The following DISC1 variants were observed in gnomAD, a reference collection of about 807,000 sequenced individuals.
DISC1 encodes the protein DISC1 scaffold protein, also known as disrupted in schizophrenia 1 protein.
DISC1 carries 57 observed loss-of-function variants against 84.5 expected under a neutral mutation model. The ratio of observed to expected loss-of-function variants is 0.67; its 90% CI spans 0.55 to 0.84. The LOEUF (loss-of-function observed/expected upper bound fraction) is 0.84. Ranked by LOEUF, DISC1 falls within the 40% of genes least tolerant of loss-of-function variation. The pLI, the probability that DISC1 is intolerant of heterozygous loss-of-function variation, is 0.00. For synonymous variants in DISC1, 411 were observed against 415.2 expected, an observed-to-expected ratio of 0.99 and a Z score of 0.12; for missense variants, 1,000 against 1,057.8, an observed-to-expected ratio of 0.95 and a Z score of 0.76.
chr1:231,896,054 G>C (rs1176150885), intron 9 of DISC1, among the ~76,000 whole-genome samples: 1 of 152,132 alleles, frequency 6.6e-6, no homozygotes, highest in African/African-American at 2.4e-5. Context: ...AGGCCAAAAG[G>C]CTGGTGTGGA....
chr1:231,779,565 T>TG lies in DISC1; in HGVS notation c.1634+8495_1634+8496insG, dbSNP rs1296987107. Among the ~76,000 whole-genome samples, 809 of 139,792 alleles carry TG rather than the reference T, an allele frequency of 5.8e-3. 5 individuals carry two copies. Among genetic ancestry groups the TG allele is most frequent in the African/African-American group, 0.021 (749 of 36,520 alleles). 91.7% of individuals were successfully genotyped at this position (139,792 alleles called of 152,430 possible). A position where few individuals can be genotyped will look rare whatever the true frequency, so the allele number is the denominator to read the frequency against. Reference sequence around the variant, plus strand: ...CCTATTCTTGTTTTTTTTTTTTTTTTTTTTTTTTTTTTTAAGATGGAGTCT... The same window carrying TG: ...CCTATTCTTGTTTTTTTTTTTTTTTTGTTTTTTTTTTTTTAAGATGGAGTCT... On this transcript the variant is annotated intron_variant, in intron 6 of 12. Transcript: ENST00000439617.
intron 9 of DISC1, among the ~76,000 whole-genome samples, chr1:231,918,308 A>G (rs1007736627): frequency 6.6e-6 from 1 of 152,246 alleles, no homozygotes; most frequent in African/African-American, 2.4e-5. Flanking sequence ...GAGAGAACCA[A>G]GATGATTTGG....
intron 9 of DISC1, chr1:231,866,786 A>G (rs2085094007): frequency 1.5e-5 from 17 of 1,152,236 alleles, no homozygotes; most frequent in Non-Finnish European, 1.8e-5. Context: ...GGTATAATTA[A>G]TCTGTAATTA....
chr1:231,737,911 G>A (rs1444653443), intron 3 of DISC1, among the ~76,000 whole-genome samples: 2 of 152,176 alleles, frequency 1.3e-5, no homozygotes, highest in African/African-American at 4.8e-5. Flanking sequence ...CGGCTAGAGT[G>A]CAGTGGCATG....
intron 9 of DISC1, among the ~76,000 whole-genome samples, chr1:231,902,537 G>T (rs1395704200): frequency 6.6e-6 from 1 of 151,798 alleles, no homozygotes; most frequent in Non-Finnish European, 1.5e-5. Flanking sequence ...GCAGAATGAG[G>T]TTGCAGTGAG....
rs1350226699 is a variant in DISC1 at position 231,908,686 on chromosome 1, G to GT, written c.1982-50136dup. Among the ~76,000 whole-genome samples the GT allele has an allele frequency of 8.5e-5, 13 of 152,284 alleles. No homozygotes were observed. In the East Asian group the frequency reaches 2.5e-3, roughly 29 times the overall value. On this transcript the variant is annotated intron_variant, in intron 9 of 12. Transcript: ENST00000439617. ...TTGGTTCCATATGCACTTTAAAGTA[G>GT]TTTTTTCCAGTTCTGTGAAGAAAGT...
At chr1:231,972,697 C>T (rs931288564) in intron 10 of DISC1, among the ~76,000 whole-genome samples, 5 of 152,194 alleles carry the variant, frequency 3.3e-5, no homozygotes, top group Non-Finnish European at 5.9e-5. Context: ...GACTGTTAAT[C>T]ACAGCCACTA....
At chr1:231,629,446 G>C (rs2058530276) in intron 1 of DISC1, 1 of 153,118 alleles carries the variant, frequency 6.5e-6, no homozygotes, top group African/African-American at 2.4e-5. Flanking sequence ...GAGCGTGAAT[G>C]CTCTGTTTCT....
At chr1:231,710,711 C>G (rs1221682780) in intron 3 of DISC1, among the ~76,000 whole-genome samples, 1 of 152,134 alleles carries the variant, frequency 6.6e-6, no homozygotes, top group Non-Finnish European at 1.5e-5. Flanking sequence ...CCTCTGTATG[C>G]ATTGGTGCCT....
chr1:231,652,491 C>A (rs1346643651), intron 1 of DISC1, among the ~76,000 whole-genome samples: 1 of 152,132 alleles, frequency 6.6e-6, no homozygotes, highest in African/African-American at 2.4e-5. Context: ...AAAAATAACA[C>A]ATTTACTGCT....
Position 231,694,497 on chromosome 1 carries a change from G to A in DISC1, c.739G>A (p.Ala247Thr). 1 of 1,614,278 alleles carries A rather than the reference G, an allele frequency of 6.2e-7. No individual in the cohort carries two copies. Among genetic ancestry groups the A allele is most frequent in the Non-Finnish European group, 8.5e-7 (1 of 1,180,044 alleles). The part of the protein sequence containing the change: ...SHCQSPQEMG[A>T]KAASLDGPHE... ...TTGCCAGAGCCCCCAGGAGATGGGA[G>A]CCAAAGCTGCCAGCTTGGACGGGCC... is the stretch of plus-strand genomic sequence containing the variant. Residue 247 changes from alanine (A) to threonine (T), a missense_variant, in exon 2 of 13, where the codon GCC (alanine) becomes ACC (threonine). By Grantham distance (58) the Ala-to-Thr change is moderately conservative (BLOSUM62 0). Transcript: ENST00000439617.
intron 9 of DISC1, among the ~76,000 whole-genome samples, chr1:231,844,548 T>C (rs2083306777): frequency 6.6e-6 from 1 of 152,066 alleles, no homozygotes; most frequent in Non-Finnish European, 1.5e-5. Flanking sequence ...ATTTAAGAAA[T>C]ACATTGGTTT....
At chr1:231,985,336 C>CA (rs59619547) in intron 10 of DISC1, among the ~76,000 whole-genome samples, 1,860 of 99,550 alleles carry the variant, frequency 0.019, 35 homozygotes, top group East Asian at 0.11. Flanking sequence ...CCCCACCCAC[C>CA]AAAAAAAAAA....
At chr1:231,741,209 A>G (rs2073225877) in intron 3 of DISC1, among the ~76,000 whole-genome samples, 1 of 152,150 alleles carries the variant, frequency 6.6e-6, no homozygotes, top group Admixed American at 6.5e-5. Flanking sequence ...ACCACGAGAG[A>G]CTCACGAGGA....
chr1:231,749,828 G>A (rs1177574826), intron 3 of DISC1, 98 bp from the exon 4 acceptor site: 2 of 1,529,276 alleles, frequency 1.3e-6, no homozygotes, highest in Non-Finnish European at 9.0e-7. Flanking sequence ...TGTCATTAAG[G>A]CAAAGGTTCA....
At chr1:231,853,577 A>C (rs1455751605) in intron 9 of DISC1, among the ~76,000 whole-genome samples, 1 of 152,230 alleles carries the variant, frequency 6.6e-6, no homozygotes, top group African/African-American at 2.4e-5. Context: ...AAATGTGGTT[A>C]AGTGGTACAT....
intron 9 of DISC1, among the ~76,000 whole-genome samples, chr1:231,904,136 G>T (rs1012090881): frequency 6.6e-6 from 1 of 152,120 alleles, no homozygotes; most frequent in African/African-American, 2.4e-5. Flanking sequence ...TTCATCTATG[G>T]CACCTTTGAG....
intron 9 of DISC1, among the ~76,000 whole-genome samples, chr1:231,929,124 G>T (rs1178876854): frequency 6.6e-6 from 1 of 152,124 alleles, no homozygotes; most frequent in African/African-American, 2.4e-5. Context: ...TTAATTTTCT[G>T]TCTTGTTGAT....
At chr1:231,653,305 C>T (rs941930166) in intron 1 of DISC1, among the ~76,000 whole-genome samples, 2 of 152,166 alleles carry the variant, frequency 1.3e-5, no homozygotes, top group Non-Finnish European at 2.9e-5. Flanking sequence ...TGATGGTTAC[C>T]TTGAGGTACC....
Sources: gnomAD v4.1 joint callset for allele counts (sites outside exome capture counted in the v4.1 genomes callset) on GRCh38, gnomAD v4.1.1 for gene constraint, MANE v1.5 for transcripts, NCBI Gene and HGNC (gene_info 2026-07-23, HGNC 2026-07-21) for gene names.